The following MYOM2 variants were observed in gnomAD, a reference collection of about 807,000 sequenced individuals.
The protein encoded by MYOM2 is myomesin-2.
A neutral mutation model predicts 187.6 loss-of-function variants in MYOM2; 254 were observed. That is an observed-to-expected ratio of 1.35 (90% CI 1.22 to 1.50). The LOEUF (loss-of-function observed/expected upper bound fraction) is 1.50, where lower values mean the gene tolerates loss of function less well. MYOM2 is among the 40% of genes most tolerant of loss of function. The pLI, the probability that MYOM2 is intolerant of heterozygous loss-of-function variation, is 0.00. For missense variants in MYOM2, 2,796 were observed against 1,924.0 expected (o/e 1.45, Z -8.48); for synonymous variants, 981 against 753.8 (o/e 1.30, Z -4.94).
At chr8:2,078,231 T>C (rs2129336655) in intron 11 of MYOM2, among the ~76,000 whole-genome samples, 1 of 152,340 alleles carries the variant, frequency 6.6e-6, no homozygotes, top group African/African-American at 2.4e-5. Context: ...CTAACATTAT[T>C]CTAGGAGACT....
At chr8:2,094,139 C>G in intron 17 of MYOM2, 48 bp downstream of exon 17, 9 of 1,598,746 alleles carry the variant, frequency 5.6e-6, no homozygotes, top group Non-Finnish European at 7.7e-6. Flanking sequence ...CATACACTGT[C>G]ATTTCTGCAT....
At chr8:2,097,783 C>T (rs6558604) in intron 18 of MYOM2, among the ~76,000 whole-genome samples, 61,784 of 152,058 alleles carry the variant, frequency 0.41, 13,088 homozygotes, top group East Asian at 0.62. Context: ...TCCCAAAGTG[C>T]GGGGATTACA....
At chr8:2,138,451 G>A (rs924709020) in intron 32 of MYOM2, among the ~76,000 whole-genome samples, 3 of 152,242 alleles carry the variant, frequency 2.0e-5, no homozygotes, top group African/African-American at 7.2e-5. Context: ...GGGACTGAGA[G>A]ATTCCTGAAG....
chr8:2,085,443 T>C (rs1173463455), intron 14 of MYOM2, 53 bp downstream of exon 14: 14 of 1,591,328 alleles, frequency 8.8e-6, no homozygotes, highest in African/African-American at 2.7e-5. Context: ...GGCCCCCCAC[T>C]GTCATGATCT....
At chr8:2,118,033 GC>G in intron 28 of MYOM2, 81 bp downstream of exon 28, 1 of 1,272,132 alleles carries the variant, frequency 7.9e-7, no homozygotes, top group Non-Finnish European at 1.1e-6. Flanking sequence ...AGTAGCTGTG[GC>G]CAGATCTGTG....
At chr8:2,074,408 A>T (rs566789500) in intron 10 of MYOM2, among the ~76,000 whole-genome samples, 1 of 152,090 alleles carries the variant, frequency 6.6e-6, no homozygotes, top group African/African-American at 2.4e-5. Flanking sequence ...TGTTTTTGGC[A>T]TCATGTGACT....
intron 3 of MYOM2, among the ~76,000 whole-genome samples, chr8:2,053,814 T>G (rs1818569279): frequency 6.6e-6 from 1 of 152,212 alleles, no homozygotes; most frequent in African/African-American, 2.4e-5. Context: ...CCACGGCTCA[T>G]GCTCTCCATG....
chr8:2,092,716 C>T (rs1796350905), intron 16 of MYOM2, among the ~76,000 whole-genome samples, 196 bp downstream of exon 16: 2 of 152,066 alleles, frequency 1.3e-5, no homozygotes, highest in African/African-American at 2.4e-5. Flanking sequence ...TTGCTCATGT[C>T]GACCGAAACG....
intron 14 of MYOM2, among the ~76,000 whole-genome samples, chr8:2,086,161 GTTGTGA>G (rs1796028271): frequency 6.0e-5 from 1 of 16,612 alleles, no homozygotes; most frequent in Non-Finnish European, 9.2e-5. Flanking sequence ...GCCCCCCACT[GTTGTGA>G]TCTCTGCGTG....
chr8:2,087,993 C>G (rs927371726), intron 14 of MYOM2, among the ~76,000 whole-genome samples: 2 of 152,118 alleles, frequency 1.3e-5, no homozygotes, highest in Non-Finnish European at 2.9e-5. Context: ...AGTGTGTGGG[C>G]AGAACTACCT....
rs1476539515 is a variant in MYOM2, at chr8:2,073,600, G to A, written c.1120+100G>A. On this transcript the variant is annotated intron_variant, in intron 10 of 36. Coordinates refer to ENST00000262113, the MANE Select transcript of MYOM2 (RefSeq NM_003970.4). The stretch of plus-strand genomic sequence containing the variant: ...GGCGCTGGGAAAAGGAGTCCAGAGG[G>A]TGTGAGACCACTTTGCTCCTTGGAG... 43 of 1,371,012 alleles carry A rather than the reference G, an allele frequency of 3.1e-5. 1 individual carries two copies. The highest frequency in any genetic ancestry group is 4.0e-5 in the Non-Finnish European group (42 of 1,038,020). The allele number at this position is 1,371,012 out of a possible 1,614,324, so 84.9% of individuals were successfully genotyped here.
intron 32 of MYOM2, among the ~76,000 whole-genome samples, chr8:2,136,894 T>G (rs1195693921): frequency 6.6e-6 from 1 of 152,194 alleles, no homozygotes; most frequent in Non-Finnish European, 1.5e-5. Context: ...TGCCACTTCA[T>G]GAAGCATTTG....
At chr8:2,141,749 A>G (rs991937964) in intron 34 of MYOM2, among the ~76,000 whole-genome samples, 4 of 152,144 alleles carry the variant, frequency 2.6e-5, no homozygotes, top group Middle Eastern at 6.3e-3. Flanking sequence ...TGCTGACATT[A>G]GCCCTTAAGC....
chr8:2,073,367 G>T lies in MYOM2; in HGVS notation c.987G>T (p.Thr329=), dbSNP rs771981018. 5.0e-6 allele frequency: 8 copies of T among 1,612,542 alleles called. No homozygotes were observed. In the South Asian group the frequency reaches 8.8e-5, roughly 18 times the overall value. Residue 329 remains threonine (T), a synonymous_variant, in exon 10 of 37, where the codon ACG becomes ACT. Transcript: ENST00000262113. ...TGCTGTTGAAAGAGTCCAAGTGGACGAAGATGTTCTTTGGAGAAGGCCAGG... is the reference window on the plus strand; with the variant it reads ...TGCTGTTGAAAGAGTCCAAGTGGACTAAGATGTTCTTTGGAGAAGGCCAGG... The part of the protein sequence containing the change: ...DDVLLKESKW[T]KMFFGEGQAS...
intron 14 of MYOM2, among the ~76,000 whole-genome samples, chr8:2,088,875 C>A (rs1373765952): frequency 2.0e-5 from 3 of 152,228 alleles, no homozygotes; most frequent in Admixed American, 6.5e-5. Flanking sequence ...TGACATTCCC[C>A]CAGCAGTGGA....
Position 2,047,919 on chromosome 8 carries a change from G to A in MYOM2, c.-13+2751G>A, listed in dbSNP as rs539461293. Reference sequence around the variant, plus strand: ...ATACATAGGTTGCATTGGACAGGACGTTACAGACTGGTTGAAGGATAGCTA... The same window carrying A: ...ATACATAGGTTGCATTGGACAGGACATTACAGACTGGTTGAAGGATAGCTA... On this transcript the variant is annotated intron_variant, in intron 1 of 36. Transcript: ENST00000262113. Among the ~76,000 whole-genome samples, 238 of 152,304 alleles carry A rather than the reference G, an allele frequency of 1.6e-3. 1 individual carries two copies. Among genetic ancestry groups the A allele is most frequent in the Non-Finnish European group, 2.9e-3 (196 of 68,036 alleles).
chr8:2,072,994 C>T (rs1472270867), intron 9 of MYOM2, among the ~76,000 whole-genome samples: 1 of 152,214 alleles, frequency 6.6e-6, no homozygotes, highest in Non-Finnish European at 1.5e-5. Context: ...CTGTAATCCC[C>T]CACGGGCGGG....
chr8:2,058,490 G>T (rs1225565053), intron 5 of MYOM2, among the ~76,000 whole-genome samples: 2 of 152,212 alleles, frequency 1.3e-5, no homozygotes, highest in African/African-American at 2.4e-5. Context: ...CAGATCTGCA[G>T]TTAATGAAGC....
Position 2,057,359 on chromosome 8 carries a change from T to A in MYOM2, c.275T>A (p.Leu92Gln). 1.2e-6 allele frequency: 2 copies of A among 1,607,276 alleles called. No individual in the cohort carries two copies. Among genetic ancestry groups the A allele is most frequent in the Non-Finnish European group, 8.5e-7 (1 of 1,176,394 alleles). ...EQENRSRYQS[L>Q]VAAYGEAKRQ... Reference sequence around the variant, plus strand: ...CTCGGCTCCTGCAGGTACCAGTCCCTGGTGGCCGCCTATGGTGAGGCCAAG... The same window carrying A: ...CTCGGCTCCTGCAGGTACCAGTCCCAGGTGGCCGCCTATGGTGAGGCCAAG... The change falls in exon 4 of 37, where the codon CTG (leucine) becomes CAG (glutamine). Residue 92 changes from leucine (L) to glutamine (Q), a missense_variant. Transcript: ENST00000262113.
Sources: gnomAD v4.1 joint callset for allele counts (sites outside exome capture counted in the v4.1 genomes callset) on GRCh38, gnomAD v4.1.1 for gene constraint, MANE v1.5 for transcripts, NCBI Gene and HGNC (gene_info 2026-07-23, HGNC 2026-07-21) for gene names.